TMEM120B: variants seen among roughly 807,000 people sequenced by gnomAD.
The protein encoded by TMEM120B is transmembrane protein 120B.
Under a neutral mutation model 55.5 loss-of-function variants are expected in TMEM120B, and 31 were observed. That is an observed-to-expected ratio of 0.56 (90% CI 0.42 to 0.75). The LOEUF is 0.75. Among genes scored for constraint, TMEM120B ranks in the 30% least tolerant of loss-of-function variants. The probability of loss-of-function intolerance (pLI) is 0.00; values close to 1 mark genes in which losing one functional copy is unlikely to be tolerated. For missense variants in TMEM120B, 399 were observed against 425.5 expected (o/e 0.94, Z 0.55); for synonymous variants, 203 against 176.3 (o/e 1.15, Z -1.20).
Position 121,781,564 on chromosome 12 carries a change from T to A in TMEM120B, c.*5842T>A, listed in dbSNP as rs888244043. 1.3e-5 allele frequency: 3 copies of A among 234,506 alleles called. No individual in the cohort carries two copies. Among genetic ancestry groups the A allele is most frequent in the Admixed American group, 5.2e-5 (1 of 19,404 alleles). The allele number at this position is 234,506 out of a possible 1,614,324, so 14.5% of individuals were successfully genotyped here. A position where few individuals can be genotyped will look rare whatever the true frequency, so the allele number is the denominator to read the frequency against. ...CCCACGCAGTGCTGAGAGCTTGGCCTGATTCTAGGGCTGGGGCTGGAGAAA... is the reference window on the plus strand; with the variant it reads ...CCCACGCAGTGCTGAGAGCTTGGCCAGATTCTAGGGCTGGGGCTGGAGAAA... On this transcript the variant is annotated 3_prime_UTR_variant, in exon 12 of 12. Coordinates refer to ENST00000449592, the MANE Select transcript of TMEM120B (RefSeq NM_001080825.2).
intron 1 of TMEM120B, among the ~76,000 whole-genome samples, chr12:121,721,400 A>G (rs1017612987): frequency 2.6e-5 from 4 of 151,678 alleles, no homozygotes; most frequent in Non-Finnish European, 4.4e-5. Flanking sequence ...GCTGGTCTTG[A>G]ACTTCTGGCC....
chr12:121,781,208 A>C lies in TMEM120B; in HGVS notation c.*5486A>C. 2 of 1,611,396 alleles carry C rather than the reference A, an allele frequency of 1.2e-6. No homozygotes were observed. The highest frequency in any genetic ancestry group is 1.7e-6 in the Non-Finnish European group (2 of 1,177,576). Reference sequence around the variant, plus strand: ...TCTTCTTGCCCTGAAAGCACAGAGCAGCGGGGGTCAGGGGACGTCCCCTCC... The same window carrying C: ...TCTTCTTGCCCTGAAAGCACAGAGCCGCGGGGGTCAGGGGACGTCCCCTCC... On this transcript the variant is annotated 3_prime_UTR_variant, in exon 12 of 12. Transcript: ENST00000449592.
intron 2 of TMEM120B, among the ~76,000 whole-genome samples, chr12:121,746,209 CAG>C (rs1340754432): frequency 1.4e-5 from 2 of 138,748 alleles, no homozygotes; most frequent in East Asian, 2.1e-4. Flanking sequence ...TTTTTTGAGA[CAG>C]AGTTTCGCTC....
intron 4 of TMEM120B, among the ~76,000 whole-genome samples, chr12:121,751,744 C>T (rs1488786175): frequency 2.7e-5 from 4 of 148,142 alleles, no homozygotes; most frequent in Non-Finnish European, 6.0e-5. Context: ...CTCTGTTTCA[C>T]GCCCTATCAC....
At chr12:121,754,526 G>A (rs1279550180) in intron 5 of TMEM120B, among the ~76,000 whole-genome samples, 2 of 152,208 alleles carry the variant, frequency 1.3e-5, no homozygotes, top group Non-Finnish European at 2.9e-5. Flanking sequence ...CGCTCCACAG[G>A]CTTCGGGGAG....
chr12:121,713,009 C>A, intron 1 of TMEM120B, 45 bp downstream of exon 1: 1 of 1,467,578 alleles, frequency 6.8e-7, no homozygotes, highest in Admixed American at 2.5e-5. Context: ...GCCCGCGGTG[C>A]AGCGCCTTGC....
chr12:121,764,340 G>A (rs573441655), intron 6 of TMEM120B, among the ~76,000 whole-genome samples: 2 of 152,184 alleles, frequency 1.3e-5, no homozygotes, highest in Non-Finnish European at 2.9e-5. Flanking sequence ...GACCAACATG[G>A]GGAAACCCCA....
In TMEM120B at chr12:121,779,336, C is replaced by G. The variant is rs1340685376; in HGVS notation, c.*3614C>G. The G allele has an allele frequency of 1.3e-6, 1 of 759,330 alleles. No homozygotes were observed. The allele number at this position is 759,330 out of a possible 1,614,324, so 47.0% of individuals were successfully genotyped here. On this transcript the variant is annotated 3_prime_UTR_variant, in exon 12 of 12. Coordinates refer to ENST00000449592, the MANE Select transcript of TMEM120B (RefSeq NM_001080825.2). Reference sequence around the variant, plus strand: ...CCTGGAGGGGAGTTTGTGGTCAGAGCCCCAGCCAGGAAAGGAGAGAGTTCC... The same window carrying G: ...CCTGGAGGGGAGTTTGTGGTCAGAGGCCCAGCCAGGAAAGGAGAGAGTTCC...
At chr12:121,760,661 A>C (rs538071061) in intron 5 of TMEM120B, among the ~76,000 whole-genome samples, 9 of 152,274 alleles carry the variant, frequency 5.9e-5, no homozygotes, top group Non-Finnish European at 1.3e-4. Context: ...GAGGCTGCTG[A>C]TCACCAGCTT....
intron 1 of TMEM120B, among the ~76,000 whole-genome samples, chr12:121,729,914 G>A (rs73411766): frequency 0.012 from 1,810 of 152,218 alleles, 44 homozygotes; most frequent in African/African-American, 0.041. Context: ...CAGTGGAGGC[G>A]TGGATAAATA....
In TMEM120B at chr12:121,779,473, T is replaced by C; in HGVS notation, c.*3751T>C. On this transcript the variant is annotated 3_prime_UTR_variant, in exon 12 of 12. Coordinates refer to ENST00000449592, the MANE Select transcript of TMEM120B (RefSeq NM_001080825.2). ...CTGGGCCCCCGGGCCCTGTCAGTGC[T>C]GTCGTGAGGTCTGTCTGCCCTGGGT... 6.2e-7 allele frequency: 1 copy of C among 1,606,572 alleles called. No homozygotes were observed. Among genetic ancestry groups the C allele is most frequent in the Non-Finnish European group, 8.5e-7 (1 of 1,178,234 alleles).
chr12:121,760,282 G>T (rs1366335387), intron 5 of TMEM120B, among the ~76,000 whole-genome samples: 1 of 151,566 alleles, frequency 6.6e-6, no homozygotes, highest in African/African-American at 2.4e-5. Flanking sequence ...CAGCCTGAGC[G>T]AGACTCTGTC....
intron 1 of TMEM120B, among the ~76,000 whole-genome samples, chr12:121,739,476 ACTT>A (rs34355410): frequency 0.15 from 23,023 of 151,500 alleles, 1,851 homozygotes; most frequent in African/African-American, 0.18. Context: ...CAAATATGTA[ACTT>A]CTTTTTTTTT....
At chr12:121,760,871 A>T (rs972965751) in intron 5 of TMEM120B, among the ~76,000 whole-genome samples, 1 of 152,152 alleles carries the variant, frequency 6.6e-6, no homozygotes, top group African/African-American at 2.4e-5. Flanking sequence ...CCCATAGGTA[A>T]TTTTTTGTAT....
intron 6 of TMEM120B, among the ~76,000 whole-genome samples, chr12:121,762,013 C>T (rs1044580603): frequency 1.2e-4 from 18 of 152,286 alleles, no homozygotes; most frequent in Admixed American, 6.5e-4. Context: ...AAGTGAGCGG[C>T]ATGGCACGGT....
At chr12:121,727,616 G>T (rs998343756) in intron 1 of TMEM120B, among the ~76,000 whole-genome samples, 2 of 150,972 alleles carry the variant, frequency 1.3e-5, no homozygotes, top group Non-Finnish European at 3.0e-5. Context: ...GCTCACGCTT[G>T]TAATCCCAGC....
Position 121,775,397 on chromosome 12 carries a change from C to T in TMEM120B, c.907-212C>T. 1.0e-6 allele frequency: 1 copy of T among 980,252 alleles called. No individual in the cohort carries two copies. Among genetic ancestry groups the T allele is most frequent in the South Asian group, 4.7e-5 (1 of 21,180 alleles). 60.7% of individuals were successfully genotyped at this position (980,252 alleles called of 1,614,324 possible). On this transcript the variant is annotated intron_variant, in intron 11 of 11. Coordinates refer to ENST00000449592, the MANE Select transcript of TMEM120B (RefSeq NM_001080825.2). This position sits in a 1 kb window ranked among gnomAD's most constrained non-coding sequence, Gnocchi z 4.3. ...TGGAGCCTCTCCCAATCTGTGGATCCCAAGGAGGTTCGCCCCATCGAGCCC... is the reference window on the plus strand; with the variant it reads ...TGGAGCCTCTCCCAATCTGTGGATCTCAAGGAGGTTCGCCCCATCGAGCCC...
Position 121,723,523 on chromosome 12 carries a change from A to T in TMEM120B, c.69+10559A>T, listed in dbSNP as rs963458272. 5.9e-5 allele frequency among the ~76,000 whole-genome samples: 9 copies of T among 152,232 alleles called. 1 individual carries two copies. Among genetic ancestry groups the T allele is most frequent in the Admixed American group, 5.2e-4 (8 of 15,268 alleles). On this transcript the variant is annotated intron_variant, in intron 1 of 11. Transcript: ENST00000449592. ...AGCTGCCAGTGAGGAGCTGTAGTGG[A>T]TGAAGGGGGCAGCAGAACAGGGAGG...
intron 1 of TMEM120B, among the ~76,000 whole-genome samples, chr12:121,720,360 T>G (rs1006073859): frequency 1.3e-5 from 2 of 152,164 alleles, no homozygotes; most frequent in Non-Finnish European, 2.9e-5. Context: ...GAGTCCTGGT[T>G]AAGTATAGTC....
Sources: gnomAD v4.1 joint callset for allele counts (sites outside exome capture counted in the v4.1 genomes callset) on GRCh38, gnomAD v4.1.1 for gene constraint, Gnocchi (gnomAD v3.1) non-coding constraint, MANE v1.5 for transcripts, NCBI Gene and HGNC (gene_info 2026-07-23, HGNC 2026-07-21) for gene names.